The following KIRREL3 variants were observed in gnomAD, a reference collection of about 807,000 sequenced individuals.
The protein encoded by KIRREL3 is kin of IRRE-like protein 3.
A neutral mutation model predicts 89.7 loss-of-function variants in KIRREL3; 36 were observed. The observed-to-expected ratio is 0.40, with a 90% CI of 0.31 to 0.53. KIRREL3 has a LOEUF of 0.53. Among genes scored for constraint, KIRREL3 ranks in the 20% least tolerant of loss-of-function variants. KIRREL3 has a pLI of 0.49. For missense variants in KIRREL3, 864 were observed against 1,056.6 expected (o/e 0.82, Z 2.53); for synonymous variants, 445 against 441.4 (o/e 1.01, Z -0.10).
At chr11:126,727,901 C>T (rs933252525) in intron 1 of KIRREL3, among the ~76,000 whole-genome samples, 6 of 151,938 alleles carry the variant, frequency 3.9e-5, no homozygotes, top group Non-Finnish European at 5.9e-5. Context: ...ATCAGAAGCC[C>T]TGGGTCCCCA....
Position 126,877,844 on chromosome 11 carries a change from GT to G in KIRREL3, c.55+122610del, listed in dbSNP as rs1182592406. Among the ~76,000 whole-genome samples, 3 of 152,160 alleles carry G rather than the reference GT, an allele frequency of 2.0e-5. No homozygotes were observed. Among genetic ancestry groups the G allele is most frequent in the African/African-American group, 4.8e-5 (2 of 41,438 alleles). On this transcript the variant is annotated intron_variant, in intron 1 of 16. Coordinates refer to ENST00000525144, the MANE Select transcript of KIRREL3 (RefSeq NM_032531.4). This position sits in a 1 kb window ranked among gnomAD's most constrained non-coding sequence, Gnocchi z 4.9. The stretch of plus-strand genomic sequence containing the variant: ...AGTATCTTGAACCTATCATCCACAT[GT>G]TTTTTGTGCCTGAAAAAGCAGAATA...
intron 2 of KIRREL3, among the ~76,000 whole-genome samples, chr11:126,536,804 C>G (rs1415974640): frequency 6.6e-6 from 1 of 152,064 alleles, no homozygotes; most frequent in Non-Finnish European, 1.5e-5. Context: ...GCCACTATGC[C>G]TGGCTAATTT....
chr11:126,627,537 A>C lies in KIRREL3; in HGVS notation c.56-64625T>G, dbSNP rs147390143. Among the ~76,000 whole-genome samples, 1 of 152,278 alleles carries C rather than the reference A, an allele frequency of 6.6e-6. No individual in the cohort carries two copies. The highest frequency in any genetic ancestry group is 1.5e-5 in the Non-Finnish European group (1 of 68,026). ...TAGCAGCCTCCCTGGCTCCATGGTG[A>C]CTGACGCTGCCAGTCCAGCTGCCAT... On this transcript the variant is annotated intron_variant, in intron 1 of 16. Transcript: ENST00000525144. The surrounding 1 kb of genome is among the most constrained non-coding windows in gnomAD (Gnocchi z 5.0).
chr11:126,545,739 G>A (rs1425208383), intron 2 of KIRREL3, among the ~76,000 whole-genome samples: 3 of 152,236 alleles, frequency 2.0e-5, no homozygotes, highest in Non-Finnish European at 2.9e-5. Flanking sequence ...GATATCATGA[G>A]GGCCCAGACA....
chr11:126,562,780 G>C lies in KIRREL3; in HGVS notation c.133+55C>G. On this transcript the variant is annotated intron_variant, in intron 2 of 16. Transcript: ENST00000525144. The surrounding 1 kb of genome is among the most constrained non-coding windows in gnomAD (Gnocchi z 4.7). ...GGTTCCTCTGTCCTGTGGCTGTAGG[G>C]GAGAGCTTCCTCCCTCCAGATTACT... 6.9e-7 allele frequency: 1 copy of C among 1,451,202 alleles called. No individual in the cohort carries two copies. Among genetic ancestry groups the C allele is most frequent in the Non-Finnish European group, 9.7e-7 (1 of 1,032,398 alleles). 89.9% of individuals were successfully genotyped at this position (1,451,202 alleles called of 1,614,324 possible).
chr11:126,529,104 C>T (rs890905853), intron 2 of KIRREL3, among the ~76,000 whole-genome samples: 4 of 152,148 alleles, frequency 2.6e-5, no homozygotes, highest in Admixed American at 2.0e-4. Context: ...TATTAGGAAG[C>T]ACCCACAGTG....
chr11:126,826,063 T>C (rs1463048270), intron 1 of KIRREL3, among the ~76,000 whole-genome samples: 1 of 152,116 alleles, frequency 6.6e-6, no homozygotes, highest in Non-Finnish European at 1.5e-5. Flanking sequence ...TAGTCACTCA[T>C]CAGATGCCCC....
At chr11:126,674,811 C>T (rs980275423) in intron 1 of KIRREL3, among the ~76,000 whole-genome samples, 1 of 152,200 alleles carries the variant, frequency 6.6e-6, no homozygotes, top group Non-Finnish European at 1.5e-5. Context: ...TTACCCTGCA[C>T]ACTCCCACCA....
chr11:126,845,302 A>T (rs1944102102), intron 1 of KIRREL3, among the ~76,000 whole-genome samples: 1 of 152,210 alleles, frequency 6.6e-6, no homozygotes, highest in East Asian at 1.9e-4. Flanking sequence ...GCATGCTGGC[A>T]AAAGGGTAAG....
chr11:126,446,372 C>T (rs1033413690), intron 9 of KIRREL3, among the ~76,000 whole-genome samples: 7 of 133,946 alleles, frequency 5.2e-5, no homozygotes, highest in African/African-American at 1.6e-4. Flanking sequence ...GGTCTTGCTA[C>T]GTTGCCCAGG....
In KIRREL3 at chr11:126,440,525, T is replaced by A. The variant is rs370873312; in HGVS notation, c.1277A>T (p.Gln426Leu). The A allele has an allele frequency of 2.5e-6, 4 of 1,601,738 alleles. No homozygotes were observed. The highest frequency in any genetic ancestry group is 3.4e-6 in the Non-Finnish European group (4 of 1,174,588). The change falls in exon 11 of 17, where the codon CAG (glutamine) becomes CTG (leucine). Residue 426 changes from glutamine (Q) to leucine (L), a missense_variant. By Grantham distance (113) the Gln-to-Leu change is moderately radical. Transcript: ENST00000525144. ...CTCGCCGTGGAGGGCGTGCTGGGTC[T>A]GGGTGCTGGAGATGATGGGGGGTCC... ...VNGPPIISST[Q>L]TQHALHGEKG...
chr11:126,856,685 G>A (rs931547391), intron 1 of KIRREL3, among the ~76,000 whole-genome samples: 1 of 150,424 alleles, frequency 6.6e-6, no homozygotes, highest in Non-Finnish European at 1.5e-5. Flanking sequence ...GCGCCATCTC[G>A]GCTCACTGCA....
Position 126,516,819 on chromosome 11 carries a change from G to A in KIRREL3, c.433+4496C>T, listed in dbSNP as rs1276173083. Among the ~76,000 whole-genome samples, 3 of 152,308 alleles carry A rather than the reference G, an allele frequency of 2.0e-5. No homozygotes were observed. The highest frequency in any genetic ancestry group is 2.1e-4 in the South Asian group (1 of 4,824). On this transcript the variant is annotated intron_variant, in intron 4 of 16. Transcript: ENST00000525144. This position sits in a 1 kb window ranked among gnomAD's most constrained non-coding sequence, Gnocchi z 4.9. Reference sequence around the variant, plus strand: ...GTGTACACAACTTTAAAATACAGGCGGGGTGGCTCACGCTTGTAATCCCAG... The same window carrying A: ...GTGTACACAACTTTAAAATACAGGCAGGGTGGCTCACGCTTGTAATCCCAG...
chr11:126,525,673 C>A lies in KIRREL3; in HGVS notation c.283+865G>T, dbSNP rs1308709078. Among the ~76,000 whole-genome samples the A allele has an allele frequency of 6.6e-6, 1 of 152,166 alleles. No homozygotes were observed. The highest frequency in any genetic ancestry group is 2.4e-5 in the African/African-American group (1 of 41,430). ...CTCCTCCTCCACCCTTAGCTATTCCCAAATCACAGGGGAATGACACCCAGA... is the reference window on the plus strand; with the variant it reads ...CTCCTCCTCCACCCTTAGCTATTCCAAAATCACAGGGGAATGACACCCAGA... On this transcript the variant is annotated intron_variant, in intron 3 of 16. Coordinates refer to ENST00000525144, the MANE Select transcript of KIRREL3 (RefSeq NM_032531.4). This position sits in a 1 kb window ranked among gnomAD's most constrained non-coding sequence, Gnocchi z 5.4.
chr11:126,836,897 CA>C (rs1029822032), intron 1 of KIRREL3, among the ~76,000 whole-genome samples: 3 of 152,204 alleles, frequency 2.0e-5, no homozygotes, highest in African/African-American at 7.2e-5. Flanking sequence ...TACAGAACAA[CA>C]AACTTATTTG....
rs119462978 is a variant in KIRREL3, at chr11:126,562,850, G to A, written c.118C>T (p.Arg40Trp). ...TCTCACTGACCTTCATTCATTCTCC[G>A]AAACTTGTCCTTGGCCATGTAGCCC... ...VLGYMAKDKF[R>W]RMNEGQVYSF... Residue 40 changes from arginine (R) to tryptophan (W), a missense_variant, in exon 2 of 17, where the codon CGG becomes TGG. Transcript: ENST00000525144. The surrounding 1 kb of genome is among the most constrained non-coding windows in gnomAD (Gnocchi z 4.7). The A allele has an allele frequency of 4.5e-5, 72 of 1,613,630 alleles. No homozygotes were observed. The highest frequency in any genetic ancestry group is 8.3e-5 in the Admixed American group (5 of 59,982).
chr11:126,475,015 G>A lies in KIRREL3; in HGVS notation c.434-1549C>T, dbSNP rs1957025924. 6.6e-6 allele frequency among the ~76,000 whole-genome samples: 1 copy of A among 152,156 alleles called. No individual in the cohort carries two copies. Among genetic ancestry groups the A allele is most frequent in the Admixed American group, 6.5e-5 (1 of 15,282 alleles). ...TTTCCCTTACCCCAGGAGGAGCTGG[G>A]CCCACCAGCTCTGGAGGCTGAGAGA... On this transcript the variant is annotated intron_variant, in intron 4 of 16. Coordinates refer to ENST00000525144, the MANE Select transcript of KIRREL3 (RefSeq NM_032531.4). The surrounding 1 kb of genome is among the most constrained non-coding windows in gnomAD (Gnocchi z 7.5).
intron 1 of KIRREL3, among the ~76,000 whole-genome samples, chr11:126,963,507 T>C (rs2135188891): frequency 6.6e-6 from 1 of 152,298 alleles, no homozygotes; most frequent in African/African-American, 2.4e-5. Context: ...TAGAAATCTG[T>C]TTATCTGTGC....
intron 1 of KIRREL3, among the ~76,000 whole-genome samples, chr11:126,582,419 C>G (rs1465847871): frequency 6.6e-6 from 1 of 152,228 alleles, no homozygotes; most frequent in Non-Finnish European, 1.5e-5. Context: ...TCCCCTGATG[C>G]TGCCGGAAGC....
Sources: allele counts gnomAD v4.1 joint callset (sites outside exome capture counted in the v4.1 genomes callset), GRCh38; gene constraint gnomAD v4.1.1; non-coding constraint Gnocchi (gnomAD v3.1); transcripts MANE v1.5; gene names NCBI Gene and HGNC (gene_info 2026-07-23, HGNC 2026-07-21).